The following MED9 variants were observed in gnomAD, a reference collection of about 807,000 sequenced individuals.
The protein encoded by MED9 is mediator of RNA polymerase II transcription subunit 9.
In MED9, 8 loss-of-function variants were observed where a neutral mutation model predicts 13.2. The observed-to-expected ratio is 0.61, with a 90% confidence interval of 0.36 to 1.10. The LOEUF is 1.10. MED9 is among the 50% of genes least tolerant of loss of function. The pLI is 0.02. For missense variants in MED9, 180 were observed against 193.4 expected (o/e 0.93, Z 0.41); for synonymous variants, 87 against 82.8 (o/e 1.05, Z -0.28).
chr17:17,478,977 G>T (rs1441257582), intron 1 of MED9, among the ~76,000 whole-genome samples: 1 of 152,192 alleles, frequency 6.6e-6, no homozygotes, highest in Non-Finnish European at 1.5e-5. Context: ...GGCAGTGCTG[G>T]ATTATAAAGG....
intron 1 of MED9, chr17:17,487,395 T>A (rs1567638618): frequency 6.3e-6 from 1 of 158,268 alleles, no homozygotes. Context: ...GGGTCCACGC[T>A]GCTTTTATGA....
Position 17,491,524 on chromosome 17 carries a change from G to A in MED9, c.*29G>A, listed in dbSNP as rs1905227915. The stretch of plus-strand genomic sequence containing the variant: ...GAGGCTGACTTCCTTAGAAAGAGGG[G>A]GAAGCCAATGGCCTGTCTCCCCACT... On this transcript the variant is annotated 3_prime_UTR_variant, in exon 2 of 2. Transcript: ENST00000268711. 1 of 1,569,490 alleles carries A rather than the reference G, an allele frequency of 6.4e-7. No individual in the cohort carries two copies. Among genetic ancestry groups the A allele is most frequent in the Non-Finnish European group, 8.8e-7 (1 of 1,141,228 alleles).
In MED9 at chr17:17,491,887, C is replaced by A; in HGVS notation, c.*392C>A. 1 of 287,972 alleles carries A rather than the reference C, an allele frequency of 3.5e-6. No homozygotes were observed. The highest frequency in any genetic ancestry group is 4.7e-5 in the Admixed American group (1 of 21,476). 17.8% of individuals were successfully genotyped at this position (287,972 alleles called of 1,614,324 possible). On this transcript the variant is annotated 3_prime_UTR_variant, in exon 2 of 2. Transcript: ENST00000268711. ...AGGCGGCTCCTCTTTGCTTCCTTCC[C>A]TCTCTCTCCTCCCACCCCCATAGGA...
At chr17:17,487,478 A>C (rs1244630260) in intron 1 of MED9, 1 of 161,520 alleles carries the variant, frequency 6.2e-6, no homozygotes, top group African/African-American at 2.4e-5. Context: ...ACCGGGAGGA[A>C]CGAACAACTC....
Position 17,491,837 on chromosome 17 carries a change from G to GT in MED9, c.*342_*343insT. ...TCTGCTGCGCCCGGCCCCACTGACA[G>GT]ATCTGAAGAGCACAGTAGGAAGGGA... On this transcript the variant is annotated 3_prime_UTR_variant, in exon 2 of 2. Coordinates refer to ENST00000268711, the MANE Select transcript of MED9 (RefSeq NM_018019.3). The GT allele has an allele frequency of 2.8e-6, 1 of 358,186 alleles. No individual in the cohort carries two copies. The highest frequency in any genetic ancestry group is 6.8e-5 in the East Asian group (1 of 14,750). 22.2% of individuals were successfully genotyped at this position (358,186 alleles called of 1,614,324 possible).
chr17:17,478,711 G>A (rs1289941588), intron 1 of MED9, among the ~76,000 whole-genome samples: 1 of 152,110 alleles, frequency 6.6e-6, no homozygotes, highest in African/African-American at 2.4e-5. Context: ...ACAAAAATTA[G>A]CCGGGTGTGG....
At position 17,481,315 on chromosome 17, in the gene MED9, G is replaced by A. The variant is rs182682201; in HGVS notation, c.224+4050G>A. Among the ~76,000 whole-genome samples the A allele has an allele frequency of 6.4e-3, 979 of 152,216 alleles. 6 individuals are homozygous for A. Among genetic ancestry groups the A allele is most frequent in the South Asian group, 0.018 (86 of 4,810 alleles). On this transcript the variant is annotated intron_variant, in intron 1 of 1. Coordinates refer to ENST00000268711, the MANE Select transcript of MED9 (RefSeq NM_018019.3). ...ATTCTTTGTTTACTTCTTGCACAGG[G>A]GTGAGTAAGGAGGTAAAATCTGAAG...
rs1904935797 is a variant in MED9 at position 17,477,116 on chromosome 17, T to G, written c.75T>G (p.Pro25=). ...VLPPTSDQPL[P]DTKPLPPPQP... ...CGCCAACGTCCGACCAGCCGCTGCC[T>G]GACACCAAGCCGCTGCCGCCTCCTC... The change falls in exon 1 of 2, where the codon CCT becomes CCG. Residue 25 remains proline (P), a synonymous_variant. Coordinates refer to ENST00000268711, the MANE Select transcript of MED9 (RefSeq NM_018019.3). 1.1e-5 allele frequency: 18 copies of G among 1,607,220 alleles called. No individual in the cohort carries two copies. The highest frequency in any genetic ancestry group is 1.4e-5 in the Non-Finnish European group (17 of 1,178,598).
rs907647499 is a variant in MED9 at position 17,483,756 on chromosome 17, G to A, written c.224+6491G>A. 2.0e-5 allele frequency among the ~76,000 whole-genome samples: 3 copies of A among 152,074 alleles called. No individual in the cohort carries two copies. The highest frequency in any genetic ancestry group is 7.2e-5 in the African/African-American group (3 of 41,412). On this transcript the variant is annotated intron_variant, in intron 1 of 1. Transcript: ENST00000268711. This position sits in a 1 kb window ranked among gnomAD's most constrained non-coding sequence, Gnocchi z 4.2. The stretch of plus-strand genomic sequence containing the variant: ...GATCGAGACCATCCTGGCCAACACG[G>A]TGAAACCCTGTCTCTGCTAAAAATA...
intron 1 of MED9, chr17:17,477,574 C>T: frequency 2.9e-6 from 1 of 339,524 alleles, no homozygotes. Flanking sequence ...CTCTTTAAGC[C>T]TCAGTTTTCT....
At position 17,491,872 on chromosome 17, in the gene MED9, TCTTTG is replaced by T. The variant is rs1233991954; in HGVS notation, c.*381_*385del. 74 of 295,760 alleles carry T rather than the reference TCTTTG, an allele frequency of 2.5e-4. No individual in the cohort carries two copies. Among genetic ancestry groups the T allele is most frequent in the Non-Finnish European group, 6.6e-5 (10 of 152,308 alleles). 18.3% of individuals were successfully genotyped at this position (295,760 alleles called of 1,614,324 possible). ...GCACAGTAGGAAGGGAGGCGGCTCC[TCTTTG>T]CTTCCTTCCCTCTCTCTCCTCCCAC... On this transcript the variant is annotated 3_prime_UTR_variant, in exon 2 of 2. Coordinates refer to ENST00000268711, the MANE Select transcript of MED9 (RefSeq NM_018019.3).
At position 17,489,588 on chromosome 17, in the gene MED9, A is replaced by G. The variant is rs115628275; in HGVS notation, c.225-1691A>G. On this transcript the variant is annotated intron_variant, in intron 1 of 1. Transcript: ENST00000268711. The stretch of plus-strand genomic sequence containing the variant: ...GAGTAGAAGGATTTCAGAAGTGCAG[A>G]TGGTTTCTGTCCACATTTGTGGATC... Among the ~76,000 whole-genome samples the G allele has an allele frequency of 6.1e-3, 935 of 152,346 alleles. 8 individuals carry two copies. The highest frequency in any genetic ancestry group is 0.021 in the African/African-American group (889 of 41,578).
At chr17:17,488,455 C>G (rs1182114313) in intron 1 of MED9, 1 of 152,190 alleles carries the variant, frequency 6.6e-6, no homozygotes, top group Non-Finnish European at 1.5e-5. Context: ...AGTCTGGTGA[C>G]ACGGATACAA....
At position 17,491,326 on chromosome 17, in the gene MED9, A is replaced by G. The variant is rs1905222590; in HGVS notation, c.272A>G (p.Lys91Arg). The change falls in exon 2 of 2, where the codon AAA becomes AGA. Residue 91 changes from lysine (K) to arginine (R), a missense_variant. Physicochemically the swap from Lys to Arg is conservative, Grantham distance 26. Coordinates refer to ENST00000268711, the MANE Select transcript of MED9 (RefSeq NM_018019.3). Reference sequence around the variant, plus strand: ...GTCCACCAGGACCTGAACGCCCTCAAAAGCAAGTTCCAGGAGATGCGCAAG... The same window carrying G: ...GTCCACCAGGACCTGAACGCCCTCAGAAGCAAGTTCCAGGAGATGCGCAAG... ...PEVHQDLNAL[K>R]SKFQEMRKLI... The G allele has an allele frequency of 5.0e-6, 8 of 1,613,910 alleles. No individual in the cohort carries two copies. Among genetic ancestry groups the G allele is most frequent in the South Asian group, 1.1e-5 (1 of 91,086 alleles).
intron 1 of MED9, among the ~76,000 whole-genome samples, chr17:17,482,924 C>T (rs1486455197): frequency 1.3e-5 from 2 of 152,184 alleles, no homozygotes; most frequent in East Asian, 3.8e-4. Context: ...TATGGACATT[C>T]TCTCCTTCTC....
Position 17,483,124 on chromosome 17 carries a change from T to C in MED9, c.224+5859T>C, listed in dbSNP as rs924404542. On this transcript the variant is annotated intron_variant, in intron 1 of 1. Transcript: ENST00000268711. The surrounding 1 kb of genome is among the most constrained non-coding windows in gnomAD (Gnocchi z 4.2). ...TGGAACATTTCGTCTTTAATCTGCT[T>C]CTTTACTTCCAAGCCTGTTGATACT... Among the ~76,000 whole-genome samples the C allele has an allele frequency of 6.6e-6, 1 of 152,218 alleles. No homozygotes were observed. The highest frequency in any genetic ancestry group is 1.9e-4 in the East Asian group (1 of 5,200).
At chr17:17,489,610 G>A (rs1004050490) in intron 1 of MED9, among the ~76,000 whole-genome samples, 5 of 152,190 alleles carry the variant, frequency 3.3e-5, no homozygotes, top group African/African-American at 7.2e-5. Context: ...CACATTTGTG[G>A]ATCAGAGCTG....
Position 17,492,321 on chromosome 17 carries a change from G to A in MED9, c.*826G>A, listed in dbSNP as rs1179825051. 6.6e-6 allele frequency: 1 copy of A among 152,282 alleles called. No individual in the cohort carries two copies. The highest frequency in any genetic ancestry group is 1.5e-5 in the Non-Finnish European group (1 of 68,102). The allele number at this position is 152,282 out of a possible 1,614,324, so 9.4% of individuals were successfully genotyped here. A position where few individuals can be genotyped will look rare whatever the true frequency, so the allele number is the denominator to read the frequency against. On this transcript the variant is annotated 3_prime_UTR_variant, in exon 2 of 2. Coordinates refer to ENST00000268711, the MANE Select transcript of MED9 (RefSeq NM_018019.3). ...CACAGGCCAGAAGAGGTCTTCAGGCGAACCGACCTTCCCCCTTCTGGCATT... is the reference window on the plus strand; with the variant it reads ...CACAGGCCAGAAGAGGTCTTCAGGCAAACCGACCTTCCCCCTTCTGGCATT...
rs772157703 is a variant in MED9, at chr17:17,477,066, G to A, written c.25G>A (p.Gly9Arg). 9 of 1,606,588 alleles carry A rather than the reference G, an allele frequency of 5.6e-6. No homozygotes were observed. Among genetic ancestry groups the A allele is most frequent in the Non-Finnish European group, 7.6e-6 (9 of 1,179,676 alleles). ...CATGGCCTCTGCTGGGGTGGCAGCCGGGCGACAGGCGGAGGATGTATTGCC... is the reference window on the plus strand; with the variant it reads ...CATGGCCTCTGCTGGGGTGGCAGCCAGGCGACAGGCGGAGGATGTATTGCC... MASAGVAA[G>R]RQAEDVLPPT... Residue 9 changes from glycine (G) to arginine (R), a missense_variant, in exon 1 of 2, where the codon GGG becomes AGG. Coordinates refer to ENST00000268711, the MANE Select transcript of MED9 (RefSeq NM_018019.3).
Sources: allele counts gnomAD v4.1 joint callset (sites outside exome capture counted in the v4.1 genomes callset), GRCh38; gene constraint gnomAD v4.1.1; non-coding constraint Gnocchi (gnomAD v3.1); transcripts MANE v1.5; gene names NCBI Gene and HGNC (gene_info 2026-07-23, HGNC 2026-07-21).